HERC3: variants seen among roughly 807,000 people sequenced by gnomAD.
HERC3 encodes probable E3 ubiquitin-protein ligase HERC3.
A neutral mutation model predicts 129.9 loss-of-function variants in HERC3; 58 were observed. The ratio of observed to expected loss-of-function variants is 0.45; its 90% CI spans 0.36 to 0.56. The LOEUF is 0.56. Ranked by LOEUF, HERC3 falls within the 20% of genes least tolerant of loss-of-function variation. The pLI is 0.00. For missense variants in HERC3, 835 were observed against 1,244.2 expected (o/e 0.67, Z 4.95); for synonymous variants, 430 against 451.0 (o/e 0.95, Z 0.59).
intron 3 of HERC3, among the ~76,000 whole-genome samples, chr4:88,640,988 C>G (rs1378088338): frequency 6.6e-6 from 1 of 152,108 alleles, no homozygotes; most frequent in Non-Finnish European, 1.5e-5. Flanking sequence ...AACATTCTAT[C>G]CAACAGCAGA....
chr4:88,543,260 G>A, the HERC3 span, among the ~76,000 whole-genome samples: 2 of 152,136 alleles, frequency 1.3e-5, no homozygotes, highest in Non-Finnish European at 1.5e-5. Flanking sequence ...CAAAATCAAT[G>A]TGCAAATATC....
chr4:88,542,176 C>T, the HERC3 span, among the ~76,000 whole-genome samples: 543 of 151,824 alleles, frequency 3.6e-3, 7 homozygotes, highest in Middle Eastern at 0.024. Flanking sequence ...GAAAAATCAG[C>T]AAAATAGATA....
the HERC3 span, among the ~76,000 whole-genome samples, chr4:88,539,097 G>T: frequency 6.6e-6 from 1 of 152,174 alleles, no homozygotes; most frequent in Non-Finnish European, 1.5e-5. Flanking sequence ...CACAGAGGGC[G>T]AGCCAAAGCA....
intron 18 of HERC3, among the ~76,000 whole-genome samples, chr4:88,677,311 A>C (rs1022919284): frequency 1.3e-5 from 2 of 152,170 alleles, no homozygotes; most frequent in Non-Finnish European, 2.9e-5. Context: ...TTAATAATTT[A>C]TTTTAAATAC....
intron 3 of HERC3, among the ~76,000 whole-genome samples, chr4:88,637,905 G>T (rs1229695000): frequency 6.6e-6 from 1 of 152,102 alleles, no homozygotes; most frequent in Non-Finnish European, 1.5e-5. Flanking sequence ...CAATAAAGGG[G>T]ATATCACCAC....
chr4:88,542,240 TA>T, the HERC3 span, among the ~76,000 whole-genome samples: 2 of 151,840 alleles, frequency 1.3e-5, no homozygotes, highest in African/African-American at 2.4e-5. Flanking sequence ...ATAGATGCAA[TA>T]AAAAATGATA....
At chr4:88,585,308 T>C in the HERC3 span, among the ~76,000 whole-genome samples, 6 of 152,192 alleles carry the variant, frequency 3.9e-5, no homozygotes, top group Non-Finnish European at 8.8e-5. Flanking sequence ...ACAAAAGTAC[T>C]CAAAGTACAT....
the HERC3 span, among the ~76,000 whole-genome samples, chr4:88,578,691 AC>A: frequency 1.9e-4 from 29 of 152,298 alleles, no homozygotes; most frequent in African/African-American, 6.0e-4. Flanking sequence ...GGAGGAGGTA[AC>A]ACTACATGCT....
At chr4:88,597,178 A>C (rs1216879866) in intron 2 of HERC3, among the ~76,000 whole-genome samples, 1 of 152,228 alleles carries the variant, frequency 6.6e-6, no homozygotes, top group African/African-American at 2.4e-5. Flanking sequence ...ATTGGACTGT[A>C]AGATAGCCAC....
At chr4:88,642,317 CAG>C (rs1281299190) in intron 3 of HERC3, among the ~76,000 whole-genome samples, 2 of 152,052 alleles carry the variant, frequency 1.3e-5, no homozygotes, top group East Asian at 1.9e-4. Flanking sequence ...ATACAGAAAA[CAG>C]AATTTGACAT....
the HERC3 span, among the ~76,000 whole-genome samples, chr4:88,564,581 G>A: frequency 6.6e-6 from 1 of 152,048 alleles, no homozygotes; most frequent in African/African-American, 2.4e-5. Flanking sequence ...GGTATCAGTT[G>A]CAATGTCTCC....
intron 3 of HERC3, among the ~76,000 whole-genome samples, chr4:88,634,827 C>G (rs796991339): frequency 1.1e-4 from 16 of 152,206 alleles, no homozygotes; most frequent in African/African-American, 3.9e-4. Flanking sequence ...CTTCTCCAGT[C>G]TCCTCAAGTG....
upstream of HERC3, among the ~76,000 whole-genome samples, chr4:88,589,086 G>A (rs113684638): frequency 1.4e-4 from 21 of 152,098 alleles, 1 homozygote; most frequent in Admixed American, 2.6e-4. Flanking sequence ...GTATGTGCAC[G>A]CGTGTGTGCG....
the HERC3 span, among the ~76,000 whole-genome samples, chr4:88,541,346 G>A: frequency 6.6e-6 from 1 of 151,998 alleles, no homozygotes; most frequent in Non-Finnish European, 1.5e-5. Context: ...AGACAAATAA[G>A]GCCATTACAA....
intron 3 of HERC3, among the ~76,000 whole-genome samples, chr4:88,628,724 C>T (rs968496112): frequency 2.6e-5 from 4 of 152,060 alleles, no homozygotes; most frequent in Non-Finnish European, 5.9e-5. Context: ...TAATCTATAG[C>T]GATATTGTTT....
At chr4:88,565,449 T>C in the HERC3 span, among the ~76,000 whole-genome samples, 1 of 152,174 alleles carries the variant, frequency 6.6e-6, no homozygotes, top group African/African-American at 2.4e-5. Context: ...ACAATTGTTA[T>C]ATCTTCTTGC....
At chr4:88,552,604 T>C in the HERC3 span, among the ~76,000 whole-genome samples, 1 of 152,204 alleles carries the variant, frequency 6.6e-6, no homozygotes, top group African/African-American at 2.4e-5. Context: ...AGGATGATGT[T>C]AGCTATGGAT....
chr4:88,667,427 A>G lies in HERC3; in HGVS notation c.1382A>G (p.Asn461Ser). The change falls in exon 13 of 26, where the codon AAC becomes AGC. Residue 461 changes from asparagine (N) to serine (S), a missense_variant. Transcript: ENST00000402738. ...TSPKIPGIDL[N>S]STRVLFEKLM... ...CCCAAAATCCCTGGGATTGACCTGAACTCAACTAGGGTGTTATTTGAGAAG... is the reference window on the plus strand; with the variant it reads ...CCCAAAATCCCTGGGATTGACCTGAGCTCAACTAGGGTGTTATTTGAGAAG... 1 of 1,610,614 alleles carries G rather than the reference A, an allele frequency of 6.2e-7. No individual in the cohort carries two copies. The highest frequency in any genetic ancestry group is 8.5e-7 in the Non-Finnish European group (1 of 1,178,158).
At chr4:88,708,535 TAAAAC>T (rs1735949425) in exon 26 of HERC3, 1 of 152,640 alleles carries the variant, frequency 6.6e-6, no homozygotes, top group African/African-American at 2.4e-5. Flanking sequence ...TGTTTTAACT[TAAAAC>T]TATTTCTTAT....
Sources: allele counts gnomAD v4.1 joint callset (sites outside exome capture counted in the v4.1 genomes callset), GRCh38; gene constraint gnomAD v4.1.1; transcripts MANE v1.5; gene names NCBI Gene and HGNC (gene_info 2026-07-23, HGNC 2026-07-21).